IQSEC3: variants seen among roughly 807,000 people sequenced by gnomAD.
The protein encoded by IQSEC3 is IQ motif and Sec7 domain ArfGEF 3, also known as IQ motif and SEC7 domain-containing protein 3.
Under a neutral mutation model 105.4 loss-of-function variants are expected in IQSEC3, and 50 were observed. The observed-to-expected ratio is 0.47, with a 90% CI of 0.38 to 0.60. The LOEUF (loss-of-function observed/expected upper bound fraction) is 0.60, where lower values mean the gene tolerates loss of function less well. Among genes scored for constraint, IQSEC3 ranks in the 20% least tolerant of loss-of-function variants. IQSEC3 has a pLI of 0.00. For missense variants in IQSEC3, 1,415 were observed against 1,630.0 expected (o/e 0.87, Z 2.27); for synonymous variants, 708 against 746.0 (o/e 0.95, Z 0.83).
At position 125,804 on chromosome 12, in the gene IQSEC3, G is replaced by A; in HGVS notation, c.795G>A (p.Gln265=). The A allele has an allele frequency of 6.6e-7, 1 of 1,526,048 alleles. No homozygotes were observed. Among genetic ancestry groups the A allele is most frequent in the Non-Finnish European group, 8.7e-7 (1 of 1,142,916 alleles). 94.5% of individuals were successfully genotyped at this position (1,526,048 alleles called of 1,614,324 possible). Reference sequence around the variant, plus strand: ...CTGCCTCCCCAAGGGCTGGCCCCCAGCACAAGGCCTCCCCCGGCCGGCAGC... The same window carrying A: ...CTGCCTCCCCAAGGGCTGGCCCCCAACACAAGGCCTCCCCCGGCCGGCAGC... ...AGAASPRAGP[Q]HKASPGRQQP... is the part of the protein sequence containing the mutation. Residue 265 remains glutamine (Q), a synonymous_variant, in exon 3 of 14, where the codon CAG becomes CAA. Transcript: ENST00000538872.
chr12:174,931 G>GGCCCC lies in IQSEC3; in HGVS notation c.3447_3448insGCCCC (p.Pro1150AlafsTer71). On this transcript the variant is annotated frameshift_variant, in exon 14 of 14. Transcript: ENST00000538872. LOFTEE classifies it high-confidence loss of function. The stretch of plus-strand genomic sequence containing the variant: ...TCAAGGTCACCCACCAGCCTCCGCT[G>GGCCCC]CCCCCGCCCCCACCCCCCTACAACC... 6.5e-7 allele frequency: 1 copy of GGCCCC among 1,526,970 alleles called. No individual in the cohort carries two copies. Among genetic ancestry groups the GGCCCC allele is most frequent in the Non-Finnish European group, 8.8e-7 (1 of 1,139,804 alleles). The allele number at this position is 1,526,970 out of a possible 1,614,324, so 94.6% of individuals were successfully genotyped here.
intron 2 of IQSEC3, among the ~76,000 whole-genome samples, chr12:119,820 G>C (rs1555081516): frequency 6.6e-6 from 1 of 152,188 alleles, no homozygotes; most frequent in Non-Finnish European, 1.5e-5. Context: ...CTTTGGGCCA[G>C]GTAGCTCTCT....
intron 1 of IQSEC3, among the ~76,000 whole-genome samples, chr12:79,232 C>CG (rs1863663905): frequency 6.6e-6 from 1 of 151,836 alleles, no homozygotes; most frequent in Non-Finnish European, 1.5e-5. Flanking sequence ...CCTCCCTCAC[C>CG]CCCCGCCTAG....
At chr12:113,598 A>G (rs547051026) in intron 2 of IQSEC3, among the ~76,000 whole-genome samples, 1 of 152,196 alleles carries the variant, frequency 6.6e-6, no homozygotes, top group African/African-American at 2.4e-5. Context: ...TGGAGAATCA[A>G]TTAGGCTGCC....
chr12:90,940 G>A (rs1458788174), intron 1 of IQSEC3, among the ~76,000 whole-genome samples: 1 of 152,136 alleles, frequency 6.6e-6, no homozygotes, highest in Non-Finnish European at 1.5e-5. Context: ...CAGTCTGCAG[G>A]CTCCACCAGC....
rs1390976593 is a variant in IQSEC3 at position 138,945 on chromosome 12, G to C, written c.1582G>C (p.Glu528Gln). Residue 528 changes from glutamate (E) to glutamine (Q), a missense_variant, in exon 4 of 14, where the codon GAG becomes CAG. Coordinates refer to ENST00000538872, the MANE Select transcript of IQSEC3 (RefSeq NM_001170738.2). This position sits in a 1 kb window ranked among gnomAD's most constrained non-coding sequence, Gnocchi z 7.1. ...APAEPAAGKA[E>Q]QGETSGREAP... is the part of the protein sequence containing the mutation. ...CGCAGAGCCCGCGGCGGGCAAGGCC[G>C]AGCAGGGCGAGACCTCTGGGCGGGA... is the stretch of plus-strand genomic sequence containing the variant. 1.3e-6 allele frequency: 2 copies of C among 1,577,968 alleles called. No individual in the cohort carries two copies. Among genetic ancestry groups the C allele is most frequent in the South Asian group, 1.1e-5 (1 of 87,430 alleles).
At chr12:75,826 C>A (rs1591626722) in intron 1 of IQSEC3, among the ~76,000 whole-genome samples, 2 of 152,228 alleles carry the variant, frequency 1.3e-5, no homozygotes, top group East Asian at 3.8e-4. Flanking sequence ...AAGGGAGGAC[C>A]CCTGGGTCCA....
intron 3 of IQSEC3, among the ~76,000 whole-genome samples, chr12:131,216 G>C (rs116990441): frequency 6.6e-6 from 1 of 152,208 alleles, no homozygotes; most frequent in Non-Finnish European, 1.5e-5. Flanking sequence ...CGCCCCTGCC[G>C]CTGCTTCTTC....
intron 5 of IQSEC3, among the ~76,000 whole-genome samples, chr12:145,125 G>T (rs1045414185): frequency 6.6e-6 from 1 of 152,170 alleles, no homozygotes; most frequent in African/African-American, 2.4e-5. Flanking sequence ...GAATCACTAG[G>T]CCCAGCCTGT....
At position 161,587 on chromosome 12, in the gene IQSEC3, G is replaced by A. The variant is rs370719455; in HGVS notation, c.2444-339G>A. On this transcript the variant is annotated intron_variant, in intron 7 of 13. Coordinates refer to ENST00000538872, the MANE Select transcript of IQSEC3 (RefSeq NM_001170738.2). ...GGGGTGAGACGAACACAAGGAAGACGACAGAACTGCAGAGGCGCACAGGGT... is the reference window on the plus strand; with the variant it reads ...GGGGTGAGACGAACACAAGGAAGACAACAGAACTGCAGAGGCGCACAGGGT... Among the ~76,000 whole-genome samples, 14 of 152,278 alleles carry A rather than the reference G, an allele frequency of 9.2e-5. No individual in the cohort carries two copies. The East Asian group carries it at 1.7e-3, about 19-fold the overall frequency.
intron 5 of IQSEC3, chr12:148,197 G>A (rs577858937): frequency 6.6e-6 from 1 of 152,282 alleles, no homozygotes; most frequent in East Asian, 1.9e-4. Flanking sequence ...GCATAGAGCA[G>A]TGCTTCCAAA....
intron 7 of IQSEC3, among the ~76,000 whole-genome samples, chr12:161,416 C>G (rs1237410346): frequency 6.6e-6 from 1 of 152,060 alleles, no homozygotes; most frequent in Non-Finnish European, 1.5e-5. Context: ...CCCCACTGCT[C>G]CCAGTGAGGG....
chr12:105,539 A>G (rs1555077691), intron 2 of IQSEC3, among the ~76,000 whole-genome samples: 1 of 152,162 alleles, frequency 6.6e-6, no homozygotes, highest in African/African-American at 2.4e-5. Flanking sequence ...AAGATGGCCG[A>G]ATTCCGACGT....
chr12:120,046 A>C (rs1057260554), intron 2 of IQSEC3, among the ~76,000 whole-genome samples: 8 of 152,210 alleles, frequency 5.3e-5, no homozygotes, highest in African/African-American at 1.7e-4. Flanking sequence ...CATTTATTGC[A>C]CACATCTTAT....
At chr12:172,291 C>G (rs1386693755) in intron 13 of IQSEC3, among the ~76,000 whole-genome samples, 1 of 151,618 alleles carries the variant, frequency 6.6e-6, no homozygotes, top group Non-Finnish European at 1.5e-5. Flanking sequence ...CCTGCCCCAG[C>G]CGCTGACAAG....
chr12:99,029 G>C, intron 1 of IQSEC3, 117 bp from the exon 2 acceptor site: 1 of 846,840 alleles, frequency 1.2e-6, no homozygotes, highest in Non-Finnish European at 1.8e-6. Flanking sequence ...TTACACAGGG[G>C]CTCAAAAGGG....
chr12:106,049 G>C (rs11064481), intron 2 of IQSEC3, among the ~76,000 whole-genome samples: 35,449 of 152,186 alleles, frequency 0.23, 4,504 homozygotes, highest in Non-Finnish European at 0.29. Flanking sequence ...TCCCACCCAT[G>C]AGAGAGAGGA....
rs538082351 is a variant in IQSEC3, at chr12:152,609, A to T, written c.2154-4416A>T. 3.3e-5 allele frequency among the ~76,000 whole-genome samples: 5 copies of T among 152,326 alleles called. No individual in the cohort carries two copies. The highest frequency in any genetic ancestry group is 1.2e-4 in the African/African-American group (5 of 41,566). On this transcript the variant is annotated intron_variant, in intron 5 of 13. Coordinates refer to ENST00000538872, the MANE Select transcript of IQSEC3 (RefSeq NM_001170738.2). This position sits in a 1 kb window ranked among gnomAD's most constrained non-coding sequence, Gnocchi z 4.8. ...TGCACAAGCTTGAGAAGATGAGGTCATTGCACACATAGTGAAGCACTTAGA... is the reference window on the plus strand; with the variant it reads ...TGCACAAGCTTGAGAAGATGAGGTCTTTGCACACATAGTGAAGCACTTAGA...
rs1163451076 is a variant in IQSEC3 at position 177,768 on chromosome 12, C to G, written c.*2735C>G. The stretch of plus-strand genomic sequence containing the variant: ...CCATCCCTGTCCCCAGAGCCTAGAC[C>G]TCAGGGACCTAGGAAAAGCCTCCTG... On this transcript the variant is annotated 3_prime_UTR_variant, in exon 14 of 14. Transcript: ENST00000538872. This position sits in a 1 kb window ranked among gnomAD's most constrained non-coding sequence, Gnocchi z 5.3. The G allele has an allele frequency of 1.3e-5, 2 of 152,308 alleles. No homozygotes were observed. The highest frequency in any genetic ancestry group is 4.8e-5 in the African/African-American group (2 of 41,408). 9.4% of individuals were successfully genotyped at this position (152,308 alleles called of 1,614,324 possible).
Sources: gnomAD v4.1 joint callset for allele counts (sites outside exome capture counted in the v4.1 genomes callset) on GRCh38, gnomAD v4.1.1 for gene constraint, Gnocchi (gnomAD v3.1) non-coding constraint, MANE v1.5 for transcripts, NCBI Gene and HGNC (gene_info 2026-07-23, HGNC 2026-07-21) for gene names.